Variants in URGCP observed in about 807,000 individuals in gnomAD.
URGCP encodes the protein up-regulator of cell proliferation.
A neutral mutation model predicts 24.6 loss-of-function variants in URGCP; 13 were observed. The observed-to-expected ratio is 0.53, with a 90% CI of 0.34 to 0.84. URGCP has a LOEUF of 0.84. Ranked by LOEUF, URGCP falls within the 40% of genes least tolerant of loss-of-function variation. The pLI, the probability that URGCP is intolerant of heterozygous loss-of-function variation, is 0.01. For synonymous variants in URGCP, 444 were observed against 487.2 expected (o/e 0.91, Z 1.17); for missense variants, 899 against 1,194.3 (o/e 0.75, Z 3.64).
At chr7:43,881,408 G>T in intron 5 of URGCP, 2 of 611,928 alleles carry the variant, frequency 3.3e-6, no homozygotes, top group Non-Finnish European at 5.7e-6. Flanking sequence ...CTTATTAAAG[G>T]CAGTGAGTAT....
chr7:43,879,102 T>G lies in URGCP; in HGVS notation c.361A>C (p.Lys121Gln). ...PKDLPWNFLR[K>Q]LQALNADARN... ...GCATCAGCATTGAGGGCCTGCAACT[T>G]CCTGAGGAAATTCCAGGGCAAGTCT... The change falls in exon 6 of 6, where the codon AAG (lysine) becomes CAG (glutamine). Residue 121 changes from lysine to glutamine, a missense_variant. Coordinates refer to ENST00000453200, the MANE Select transcript of URGCP (RefSeq NM_001077663.3). 1 of 1,614,174 alleles carries G rather than the reference T, an allele frequency of 6.2e-7. No homozygotes were observed. The highest frequency in any genetic ancestry group is 8.5e-7 in the Non-Finnish European group (1 of 1,180,028).
chr7:43,926,652 C>T, upstream of URGCP: 1 of 1,337,618 alleles, frequency 7.5e-7, no homozygotes, highest in Non-Finnish European at 1.0e-6. Flanking sequence ...ACGGAGGCTC[C>T]GCGAGTCGCG....
At chr7:43,925,270 A>C (rs922795208) in intron 1 of URGCP, among the ~76,000 whole-genome samples, 4 of 152,198 alleles carry the variant, frequency 2.6e-5, no homozygotes, top group African/African-American at 9.7e-5. Context: ...AATACATTTT[A>C]TATGCTGACT....
chr7:43,913,435 G>T (rs1403202158), intron 1 of URGCP, among the ~76,000 whole-genome samples: 4 of 151,444 alleles, frequency 2.6e-5, no homozygotes, highest in Admixed American at 1.3e-4. Context: ...AGCCAGGATG[G>T]TCTTCATCTC....
intron 1 of URGCP, among the ~76,000 whole-genome samples, chr7:43,894,219 C>T (rs1408250895): frequency 6.6e-6 from 1 of 152,178 alleles, no homozygotes; most frequent in Non-Finnish European, 1.5e-5. Flanking sequence ...GCACTATAGA[C>T]CAAATAGACC....
intron 1 of URGCP, among the ~76,000 whole-genome samples, chr7:43,924,352 C>A (rs2095926077): frequency 6.6e-6 from 1 of 152,116 alleles, no homozygotes; most frequent in Non-Finnish European, 1.5e-5. Context: ...ACAAATGATG[C>A]AAATTCTCTG....
At chr7:43,892,927 A>G (rs2095873108) in intron 1 of URGCP, among the ~76,000 whole-genome samples, 1 of 152,226 alleles carries the variant, frequency 6.6e-6, no homozygotes, top group Non-Finnish European at 1.5e-5. Flanking sequence ...GGGGAATGTT[A>G]TATCTGAAAG....
At position 43,878,758 on chromosome 7, in the gene URGCP, A is replaced by G. The variant is rs912346518; in HGVS notation, c.705T>C (p.Ile235=). The part of the protein sequence containing the change: ...HTFLLWAMRG[I]VRTWWSQPPR... The stretch of plus-strand genomic sequence containing the variant: ...GGGGCTGGGACCACCATGTCCTCAC[A>G]ATGCCCCGCATGGCCCACAGCAGAA... The change falls in exon 6 of 6, where the codon ATT becomes ATC. Residue 235 remains isoleucine (I), a synonymous_variant. Coordinates refer to ENST00000453200, the MANE Select transcript of URGCP (RefSeq NM_001077663.3). This position sits in a 1 kb window ranked among gnomAD's most constrained non-coding sequence, Gnocchi z 5.6. 5.0e-6 allele frequency: 8 copies of G among 1,613,974 alleles called. No individual in the cohort carries two copies. The highest frequency in any genetic ancestry group is 1.1e-5 in the South Asian group (1 of 91,072).
In URGCP at chr7:43,876,636, T is replaced by C. The variant is rs1449742978; in HGVS notation, c.*31A>G. On this transcript the variant is annotated 3_prime_UTR_variant, in exon 6 of 6. Coordinates refer to ENST00000453200, the MANE Select transcript of URGCP (RefSeq NM_001077663.3). ...TCAGACAGGGCTGCCCACAGCAGCC[T>C]CCTACACCTGAACTGGGTTTCTCTG... 3.1e-6 allele frequency: 5 copies of C among 1,600,244 alleles called. No homozygotes were observed. The Admixed American group carries it at 8.4e-5, about 27-fold the overall frequency.
chr7:43,898,718 G>C (rs1016959112), intron 1 of URGCP, among the ~76,000 whole-genome samples: 2 of 150,088 alleles, frequency 1.3e-5, no homozygotes, highest in Non-Finnish European at 3.0e-5. Flanking sequence ...CAGCAGCCTG[G>C]GTGACAGAGC....
chr7:43,890,843 G>A (rs2095869670), intron 1 of URGCP, among the ~76,000 whole-genome samples: 3 of 152,380 alleles, frequency 2.0e-5, no homozygotes, highest in South Asian at 4.1e-4. Context: ...TAAATGGCAT[G>A]TGGCTGAACC....
At chr7:43,922,326 T>G (rs962402072) in intron 1 of URGCP, among the ~76,000 whole-genome samples, 1 of 152,126 alleles carries the variant, frequency 6.6e-6, no homozygotes, top group South Asian at 2.1e-4. Flanking sequence ...CCTCCCAAAG[T>G]GCTAGGATTA....
At chr7:43,893,772 G>A (rs532122099) in intron 1 of URGCP, among the ~76,000 whole-genome samples, 42 of 152,324 alleles carry the variant, frequency 2.8e-4, no homozygotes, top group East Asian at 7.7e-4. Context: ...TTGGGAGGCC[G>A]AGGCAGGAGA....
intron 1 of URGCP, among the ~76,000 whole-genome samples, chr7:43,905,219 G>T (rs1196082057): frequency 3.3e-5 from 5 of 149,764 alleles, no homozygotes; most frequent in Non-Finnish European, 4.4e-5. Flanking sequence ...TTAAAGCTTC[G>T]TTCAGGGCAG....
chr7:43,876,319 C>T lies in URGCP; in HGVS notation c.*348G>A. ...GGGACCACCTGCCCGCCTGGGCCTG[C>T]AGTGACTAAGGACGCTGCTCCCACT... On this transcript the variant is annotated 3_prime_UTR_variant, in exon 6 of 6. Transcript: ENST00000453200. 7.8e-6 allele frequency: 2 copies of T among 256,416 alleles called. No homozygotes were observed. Among genetic ancestry groups the T allele is most frequent in the Non-Finnish European group, 1.5e-5 (2 of 133,074 alleles). The allele number at this position is 256,416 out of a possible 1,614,324, so 15.9% of individuals were successfully genotyped here.
intron 5 of URGCP, chr7:43,881,350 C>T: frequency 1.6e-6 from 1 of 645,032 alleles, no homozygotes; most frequent in South Asian, 1.7e-5. Context: ...ACTTCAGGAA[C>T]TTGTTAAAAA....
intron 1 of URGCP, among the ~76,000 whole-genome samples, chr7:43,894,912 T>A (rs915694629): frequency 6.6e-6 from 1 of 152,106 alleles, no homozygotes; most frequent in African/African-American, 2.4e-5. Context: ...ACGCCTGTGG[T>A]CCCAGCTACT....
Position 43,924,873 on chromosome 7 carries a change from G to GAGCC in URGCP, c.-116+1258_-116+1259insGGCT. Among the ~76,000 whole-genome samples, 2 of 152,072 alleles carry GAGCC rather than the reference G, an allele frequency of 1.3e-5. 1 individual carries two copies. Among genetic ancestry groups the GAGCC allele is most frequent in the Non-Finnish European group, 2.9e-5 (2 of 68,010 alleles). On this transcript the variant is annotated intron_variant, in intron 1 of 5. Transcript: ENST00000426198. ...TGCAACTTTGATCTCCTGGGCTCAA[G>GAGCC]TAAGCCTCCCAAGTAGCTGGGACTA...
intron 1 of URGCP, chr7:43,905,839 TG>T (rs2095900946): frequency 6.6e-6 from 1 of 152,238 alleles, no homozygotes; most frequent in Non-Finnish European, 1.5e-5. Flanking sequence ...AATGAATTAC[TG>T]AGGTTTTAGT....
Sources: allele counts gnomAD v4.1 joint callset (sites outside exome capture counted in the v4.1 genomes callset), GRCh38; gene constraint gnomAD v4.1.1; non-coding constraint Gnocchi (gnomAD v3.1); transcripts MANE v1.5; gene names NCBI Gene and HGNC (gene_info 2026-07-23, HGNC 2026-07-21).